Variants in ARID3B observed in about 807,000 individuals in gnomAD.
ARID3B encodes AT-rich interaction domain 3B, also known as AT-rich interactive domain-containing protein 3B.
ARID3B carries 10 observed loss-of-function variants against 51.9 expected under a neutral mutation model. That is an observed-to-expected ratio of 0.19 (90% CI 0.12 to 0.33). The LOEUF is 0.33. ARID3B is among the 10% of genes least tolerant of loss of function. ARID3B has a pLI of 1.00. For missense variants in ARID3B, 483 were observed against 716.3 expected (o/e 0.67, Z 3.72); for synonymous variants, 205 against 279.5 (o/e 0.73, Z 2.66).
chr15:74,589,058 CTCACTGTCGCCCAG>C (rs2061793432), intron 4 of ARID3B, among the ~76,000 whole-genome samples: 1 of 73,270 alleles, frequency 1.4e-5, no homozygotes, highest in Non-Finnish European at 2.1e-5. Context: ...TTAAGACAGT[CTCACTGTCGCCCAG>C]GCTGGAGTGC....
chr15:74,547,241 C>G (rs773612326), intron 2 of ARID3B, among the ~76,000 whole-genome samples: 19 of 152,044 alleles, frequency 1.2e-4, no homozygotes, highest in Non-Finnish European at 2.2e-4. Flanking sequence ...TTCCTGCAAC[C>G]TCCGCCTCCT....
intron 2 of ARID3B, among the ~76,000 whole-genome samples, chr15:74,561,075 G>A (rs1356937720): frequency 1.3e-5 from 2 of 152,056 alleles, no homozygotes; most frequent in African/African-American, 4.8e-5. Flanking sequence ...GTGACCCACC[G>A]TGCCCAGCCC....
chr15:74,563,503 A>G (rs890189562), intron 2 of ARID3B, among the ~76,000 whole-genome samples: 1 of 152,188 alleles, frequency 6.6e-6, no homozygotes, highest in Non-Finnish European at 1.5e-5. Flanking sequence ...GGGAAAAAAA[A>G]GTTTTATGAA....
chr15:74,543,694 C>T (rs1170893060), intron 1 of ARID3B, among the ~76,000 whole-genome samples, 166 bp from the exon 2 acceptor site: 1 of 152,172 alleles, frequency 6.6e-6, no homozygotes, highest in African/African-American at 2.4e-5. Flanking sequence ...TTCCTACCCA[C>T]CCACGAAACC....
intron 2 of ARID3B, among the ~76,000 whole-genome samples, chr15:74,566,476 G>A (rs564386853): frequency 2.0e-5 from 3 of 152,020 alleles, no homozygotes; most frequent in African/African-American, 7.2e-5. Context: ...GGTGGCGCGT[G>A]CCTGTAATCC....
intron 2 of ARID3B, among the ~76,000 whole-genome samples, chr15:74,559,793 G>A: frequency 6.6e-6 from 1 of 151,724 alleles, no homozygotes; most frequent in Non-Finnish European, 1.5e-5. Flanking sequence ...AATTTGTAAA[G>A]AAGAAAATAC....
At position 74,566,779 on chromosome 15, in the gene ARID3B, A is replaced by G. The variant is rs1596256484; in HGVS notation, c.553-6083A>G. Among the ~76,000 whole-genome samples, 4 of 152,310 alleles carry G rather than the reference A, an allele frequency of 2.6e-5. No individual in the cohort carries two copies. The East Asian group carries it at 7.7e-4, about 29-fold the overall frequency. On this transcript the variant is annotated intron_variant, in intron 2 of 8. Transcript: ENST00000346246. ...AAATAATATAATTTTTAAAATAAAA[A>G]AAGAGCATAATTGCATTTTGTAATT...
chr15:74,558,892 G>A lies in ARID3B; in HGVS notation c.553-13970G>A, dbSNP rs887881626. On this transcript the variant is annotated intron_variant, in intron 2 of 8. Transcript: ENST00000346246. ...TGCTGGGGCTGCACAAGTTTAGCTC[G>A]TTGCATTGGTTTGGGTAGTGTGAAT... Among the ~76,000 whole-genome samples, 3 of 152,262 alleles carry A rather than the reference G, an allele frequency of 2.0e-5. No homozygotes were observed. The East Asian group carries it at 5.8e-4, about 29-fold the overall frequency.
At chr15:74,585,149 A>G (rs2061775683) in intron 4 of ARID3B, among the ~76,000 whole-genome samples, 1 of 152,212 alleles carries the variant, frequency 6.6e-6, no homozygotes, top group East Asian at 1.9e-4. Context: ...TCTGGGAGGC[A>G]TGATGGGGGT....
At chr15:74,571,107 C>T (rs1326756142) in intron 2 of ARID3B, among the ~76,000 whole-genome samples, 1 of 152,124 alleles carries the variant, frequency 6.6e-6, no homozygotes, top group African/African-American at 2.4e-5. Flanking sequence ...CTTAGTTATA[C>T]TTATGTCACT....
intron 2 of ARID3B, among the ~76,000 whole-genome samples, chr15:74,550,175 G>A (rs1176943903): frequency 6.6e-6 from 1 of 152,142 alleles, no homozygotes; most frequent in African/African-American, 2.4e-5. Flanking sequence ...GGAAAGGTTT[G>A]GGGCCTAGAA....
At chr15:74,574,205 A>G (rs923523650) in intron 4 of ARID3B, 3 of 152,312 alleles carry the variant, frequency 2.0e-5, no homozygotes, top group African/African-American at 7.2e-5. Context: ...CAATGGGTTC[A>G]CCAGCCAGGT....
intron 2 of ARID3B, among the ~76,000 whole-genome samples, chr15:74,552,221 C>G (rs539230230): frequency 7.0e-6 from 1 of 143,116 alleles, no homozygotes; most frequent in Non-Finnish European, 1.5e-5. Flanking sequence ...GCCACCACGC[C>G]CAGCTAATTT....
In ARID3B at chr15:74,579,883, G is replaced by A. The variant is rs538818726; in HGVS notation, c.697+6679G>A. Among the ~76,000 whole-genome samples the A allele has an allele frequency of 1.0e-3, 153 of 150,862 alleles. 1 individual carries two copies. The highest frequency in any genetic ancestry group is 4.3e-3 in the East Asian group (22 of 5,104). On this transcript the variant is annotated intron_variant, in intron 4 of 8. Coordinates refer to ENST00000346246, the MANE Select transcript of ARID3B (RefSeq NM_006465.4). ...TGTGTGTGTGTGTGTGCGCGCGCGCGCACACGCAAAAAATACACACGTTTC... is the reference window on the plus strand; with the variant it reads ...TGTGTGTGTGTGTGTGCGCGCGCGCACACACGCAAAAAATACACACGTTTC...
chr15:74,596,086 C>T lies in ARID3B; in HGVS notation c.*312C>T, dbSNP rs1434765161. On this transcript the variant is annotated 3_prime_UTR_variant, in exon 9 of 9. Transcript: ENST00000346246. ...CCTCCCAGCTCAGGGCACAGTGTAT[C>T]GACAATCTGTCAGCCGACGCAGGGC... 5.8e-6 allele frequency: 2 copies of T among 347,644 alleles called. No individual in the cohort carries two copies. Among genetic ancestry groups the T allele is most frequent in the Non-Finnish European group, 5.2e-6 (1 of 191,966 alleles). The allele number at this position is 347,644 out of a possible 1,614,324, so 21.5% of individuals were successfully genotyped here.
chr15:74,557,283 G>T (rs1236729593), intron 2 of ARID3B, among the ~76,000 whole-genome samples: 1 of 151,690 alleles, frequency 6.6e-6, no homozygotes, highest in Non-Finnish European at 1.5e-5. Context: ...AGATAGGTTG[G>T]TACCTGCCTG....
chr15:74,546,537 A>G (rs147943172), intron 2 of ARID3B, among the ~76,000 whole-genome samples: 1 of 152,360 alleles, frequency 6.6e-6, no homozygotes, highest in Non-Finnish European at 1.5e-5. Flanking sequence ...TGGCGTGTGC[A>G]TGTGCACACG....
chr15:74,560,217 T>A (rs1464299299), intron 2 of ARID3B, among the ~76,000 whole-genome samples: 3 of 150,742 alleles, frequency 2.0e-5, no homozygotes, highest in African/African-American at 2.4e-5. Context: ...AAAAAAAAAA[T>A]TTATATACAA....
rs1239897032 is a variant in ARID3B at position 74,552,148 on chromosome 15, G to A, written c.552+7660G>A. ...GTGATCTTGGCTCACTGCAATCTCC[G>A]CCTCCCGGGTTCAAGCGATTCTCCT... is the stretch of plus-strand genomic sequence containing the variant. On this transcript the variant is annotated intron_variant, in intron 2 of 8. Transcript: ENST00000346246. Among the ~76,000 whole-genome samples, 12 of 132,346 alleles carry A rather than the reference G, an allele frequency of 9.1e-5. No individual in the cohort carries two copies. In the East Asian group the frequency reaches 2.7e-3, roughly 30 times the overall value. The allele number at this position is 132,346 out of a possible 152,430, so 86.8% of individuals were successfully genotyped here.
Sources: gnomAD v4.1 joint callset for allele counts (sites outside exome capture counted in the v4.1 genomes callset) on GRCh38, gnomAD v4.1.1 for gene constraint, MANE v1.5 for transcripts, NCBI Gene and HGNC (gene_info 2026-07-23, HGNC 2026-07-21) for gene names.